Variants in IL1RAPL1 observed in about 807,000 individuals in gnomAD.
The protein encoded by IL1RAPL1 is interleukin-1 receptor accessory protein-like 1.
Under a neutral mutation model 48.4 loss-of-function variants are expected in IL1RAPL1, and 3 were observed. The observed-to-expected ratio is 0.06, with a 90% CI of 0.03 to 0.16. IL1RAPL1 has a LOEUF of 0.16. Ranked by LOEUF, IL1RAPL1 falls within the 10% of genes least tolerant of loss-of-function variation. The pLI, the probability that IL1RAPL1 is intolerant of heterozygous loss-of-function variation, is 1.00. For missense variants in IL1RAPL1, 349 were observed against 530.6 expected (o/e 0.66, Z 3.36); for synonymous variants, 185 against 187.7 (o/e 0.99, Z 0.12).
intron 2 of IL1RAPL1, among the ~76,000 whole-genome samples, chrX:29,123,820 C>T (rs1013456423): frequency 4.5e-5 from 5 of 111,712 alleles, no homozygotes; most frequent in East Asian, 5.6e-4. Flanking sequence ...ACACACACTA[C>T]GTTTCAAAGA....
At chrX:28,640,474 T>C (rs1327463428) in intron 1 of IL1RAPL1, among the ~76,000 whole-genome samples, 3 of 109,503 alleles carry the variant, frequency 2.7e-5, no homozygotes, top group Non-Finnish European at 5.7e-5. Context: ...GCCTCCTGAG[T>C]AGCTGGGATG....
chrX:29,389,383 C>T (rs1275754005), intron 3 of IL1RAPL1, among the ~76,000 whole-genome samples: 2 of 101,661 alleles, frequency 2.0e-5, no homozygotes, highest in African/African-American at 3.7e-5. Flanking sequence ...AAGGTTAAAA[C>T]GGATAAAGAT....
chrX:29,910,606 A>G (rs1932748426), intron 6 of IL1RAPL1, among the ~76,000 whole-genome samples: 1 of 111,956 alleles, frequency 8.9e-6, no homozygotes, highest in African/African-American at 3.2e-5. Context: ...CATTTTATAA[A>G]TCATTTTATA....
intron 7 of IL1RAPL1, 48 bp from the exon 8 acceptor site, chrX:29,919,901 G>A: frequency 6.3e-6 from 7 of 1,107,383 alleles, no homozygotes; most frequent in South Asian, 1.8e-5. Flanking sequence ...TCTTGTTTGT[G>A]TATGTGTCTG....
chrX:29,416,314 C>G (rs190886094), intron 5 of IL1RAPL1, among the ~76,000 whole-genome samples: 102 of 111,218 alleles, frequency 9.2e-4, no homozygotes, highest in African/African-American at 2.8e-3. Context: ...TTTGGGAGGC[C>G]GAGGCAGGCA....
chrX:29,430,355 A>G (rs780239530), intron 5 of IL1RAPL1, among the ~76,000 whole-genome samples: 2 of 111,280 alleles, frequency 1.8e-5, no homozygotes, highest in Non-Finnish European at 3.8e-5. Context: ...TCATCGAAAA[A>G]TAATTTTTCT....
chrX:29,789,668 A>G (rs1262156056), intron 6 of IL1RAPL1, among the ~76,000 whole-genome samples: 3 of 110,699 alleles, frequency 2.7e-5, no homozygotes, highest in African/African-American at 9.8e-5. Context: ...CCAGAGCAAT[A>G]GAGTTTGCAT....
chrX:28,620,620 A>G (rs1485378283), intron 1 of IL1RAPL1, among the ~76,000 whole-genome samples: 1 of 111,584 alleles, frequency 9.0e-6, no homozygotes, highest in Non-Finnish European at 1.9e-5. Flanking sequence ...ACGGATTTTG[A>G]TGGCTCATTA....
At chrX:29,557,723 G>A (rs1366330739) in intron 5 of IL1RAPL1, among the ~76,000 whole-genome samples, 2 of 111,209 alleles carry the variant, frequency 1.8e-5, no homozygotes, top group African/African-American at 6.5e-5. Context: ...TCTGCTCTTA[G>A]GAGTTTTAAT....
chrX:29,061,815 T>C (rs1927348444), intron 2 of IL1RAPL1, among the ~76,000 whole-genome samples: 1 of 112,622 alleles, frequency 8.9e-6, no homozygotes, highest in Non-Finnish European at 1.9e-5. Flanking sequence ...AGAACTGTAG[T>C]GCTTTTTGTT....
At chrX:29,423,516 A>G (rs1934316269) in intron 5 of IL1RAPL1, among the ~76,000 whole-genome samples, 1 of 112,063 alleles carries the variant, frequency 8.9e-6, no homozygotes, top group South Asian at 3.8e-4. Flanking sequence ...TCTGGTGTCA[A>G]CGCCAGAATA....
At chrX:28,751,079 T>A (rs1015289194) in intron 1 of IL1RAPL1, among the ~76,000 whole-genome samples, 22 of 111,577 alleles carry the variant, frequency 2.0e-4, no homozygotes, top group African/African-American at 6.8e-4. Context: ...GGCCTATGAA[T>A]TTTTTATAAA....
intron 1 of IL1RAPL1, among the ~76,000 whole-genome samples, chrX:28,768,486 G>A (rs1186438962): frequency 3.7e-5 from 4 of 109,060 alleles, no homozygotes; most frequent in African/African-American, 1.3e-4. Flanking sequence ...GATTGTGTTT[G>A]TGAAAAACTG....
rs1441919065 is a variant in IL1RAPL1 at position 28,789,326 on chromosome X, G to T, written c.-18G>T. On this transcript the variant is annotated 5_prime_UTR_variant, in exon 2 of 11. Coordinates refer to ENST00000378993, the MANE Select transcript of IL1RAPL1 (RefSeq NM_014271.4). ...TTTTTAATCTTTGCTTTAGGGAACG[G>T]CCTTTAAGAGCTGGAAGATGAAAGC... is the stretch of plus-strand genomic sequence containing the variant. 1 of 1,149,186 alleles carries T rather than the reference G, an allele frequency of 8.7e-7. No homozygotes were observed. The highest frequency in any genetic ancestry group is 1.2e-6 in the Non-Finnish European group (1 of 840,005). 94.7% of individuals were successfully genotyped at this position (1,149,186 alleles called of 1,213,427 possible). A position where few individuals can be genotyped will look rare whatever the true frequency, so the allele number is the denominator to read the frequency against.
intron 5 of IL1RAPL1, among the ~76,000 whole-genome samples, chrX:29,478,527 G>C (rs1935002323): frequency 9.0e-6 from 1 of 110,565 alleles, no homozygotes; most frequent in South Asian, 3.9e-4. Flanking sequence ...TATGTCTCAA[G>C]ACAGATCATC....
rs973006651 is a variant in IL1RAPL1, at chrX:29,940,528, CT to C, written c.1058-1119del. Among the ~76,000 whole-genome samples the C allele has an allele frequency of 2.7e-5, 3 of 112,064 alleles. No individual in the cohort carries two copies. The Admixed American group carries it at 2.8e-4, about 11-fold the overall frequency. On this transcript the variant is annotated intron_variant, in intron 8 of 10. Transcript: ENST00000378993. ...TTAATTGTAGTTAAGGAAACTAGTA[CT>C]TTTCAAGGTAGTTGTCAACTGCAGG...
intron 6 of IL1RAPL1, among the ~76,000 whole-genome samples, chrX:29,862,047 T>A (rs1212537801): frequency 8.6e-5 from 9 of 104,829 alleles, no homozygotes; most frequent in Non-Finnish European, 1.8e-4. Context: ...TACAAAAAAT[T>A]AAAAAATAAA....
intron 6 of IL1RAPL1, among the ~76,000 whole-genome samples, chrX:29,675,432 A>G (rs1926252565): frequency 8.9e-6 from 1 of 111,892 alleles, no homozygotes; most frequent in Non-Finnish European, 1.9e-5. Flanking sequence ...ACTGACACAT[A>G]TTATGCAGAT....
chrX:29,602,711 G>C (rs182933435), intron 5 of IL1RAPL1, among the ~76,000 whole-genome samples: 26 of 112,476 alleles, frequency 2.3e-4, no homozygotes, highest in African/African-American at 7.7e-4. Flanking sequence ...TATTTCCCAG[G>C]CTATCTTAAA....
Sources: gnomAD v4.1 joint callset for allele counts (sites outside exome capture counted in the v4.1 genomes callset) on GRCh38, gnomAD v4.1.1 for gene constraint, MANE v1.5 for transcripts, NCBI Gene and HGNC (gene_info 2026-07-23, HGNC 2026-07-21) for gene names.